The following XCR1 variants were observed in gnomAD, a reference collection of about 807,000 sequenced individuals.
XCR1 encodes the protein X-C motif chemokine receptor 1.
For missense variants in XCR1, 356 were observed against 424.2 expected (o/e 0.84, Z 1.41); for synonymous variants, 187 against 188.5 (o/e 0.99, Z 0.06).
chr3:46,035,648 G>A (rs1475873837), intron 5 of XCR1, among the ~76,000 whole-genome samples: 1 of 152,216 alleles, frequency 6.6e-6, no homozygotes, highest in Non-Finnish European at 1.5e-5. Context: ...GATTGCCTAT[G>A]AAGAACTGTC....
intron 3 of XCR1, among the ~76,000 whole-genome samples, chr3:46,067,090 T>G (rs1465794555): frequency 2.0e-5 from 3 of 152,186 alleles, no homozygotes; most frequent in Non-Finnish European, 2.9e-5. Context: ...TTTTCACAGC[T>G]GGGCATAGCA....
rs914805386 is a variant in XCR1, at chr3:46,061,192, T to C, written c.-183+5707A>G. ...CCAGTAAGAACAAAACACTGCCTCT[T>C]CCATGATGGAAACAGTCCCGTGTAG... On this transcript the variant is annotated intron_variant, in intron 4 of 5. Transcript: ENST00000683768. Among the ~76,000 whole-genome samples the C allele has an allele frequency of 7.9e-5, 12 of 152,182 alleles. No homozygotes were observed. In the East Asian group the frequency reaches 2.3e-3, roughly 29 times the overall value.
chr3:46,069,620 G>C (rs1698133165), intron 3 of XCR1, among the ~76,000 whole-genome samples: 1 of 152,056 alleles, frequency 6.6e-6, no homozygotes, highest in Admixed American at 6.5e-5. Flanking sequence ...TACATATTTT[G>C]TATGTTATAT....
rs1481726988 is a variant in XCR1 at position 46,021,485 on chromosome 3, C to T, written c.463G>A (p.Val155Ile). ...CRVLVTMAVW[V>I]ASILSSILDT... is the part of the protein sequence containing the mutation. ...AGGATGGAGGACAGGATGCTGGCTA[C>T]CCACACAGCCATGGTCACCAGCACC... Residue 155 changes from valine (V) to isoleucine (I), a missense_variant, in exon 2 of 2, where the codon GTA (valine) becomes ATA (isoleucine). By Grantham distance (29) the Val-to-Ile change is conservative. Coordinates refer to ENST00000309285, the MANE Select transcript of XCR1 (RefSeq NM_001024644.2). This position sits in a 1 kb window ranked among gnomAD's most constrained non-coding sequence, Gnocchi z 4.7. 3.7e-6 allele frequency: 6 copies of T among 1,613,558 alleles called. No individual in the cohort carries two copies. Among genetic ancestry groups the T allele is most frequent in the Middle Eastern group, 1.6e-4 (1 of 6,084 alleles).
At position 46,081,629 on chromosome 3, in the gene XCR1, C is replaced by T. The variant is rs545489925; in HGVS notation, c.-515+4165G>A. Among the ~76,000 whole-genome samples, 19 of 152,194 alleles carry T rather than the reference C, an allele frequency of 1.2e-4. No individual in the cohort carries two copies. The South Asian group carries it at 3.7e-3, about 30-fold the overall frequency. On this transcript the variant is annotated intron_variant, in intron 1 of 5. Coordinates refer to the XCR1 transcript ENST00000683768. ...GACCAGTGAAGTAGTTTTGGCATTG[C>T]AAGCATTTTTGCCCTTTGTGAATTT...
intron 5 of XCR1, among the ~76,000 whole-genome samples, chr3:46,037,531 T>C (rs962163390): frequency 1.3e-5 from 2 of 152,110 alleles, no homozygotes; most frequent in African/African-American, 4.8e-5. Flanking sequence ...TAGGACAAAA[T>C]AAGAAGTCCA....
chr3:46,047,792 C>G (rs1339476147), intron 5 of XCR1, among the ~76,000 whole-genome samples: 3 of 152,162 alleles, frequency 2.0e-5, no homozygotes, highest in Non-Finnish European at 2.9e-5. Context: ...AATGCCAGCA[C>G]AGTTTGTGCC....
At chr3:46,058,558 T>G (rs975655248) in intron 4 of XCR1, among the ~76,000 whole-genome samples, 2 of 123,662 alleles carry the variant, frequency 1.6e-5, no homozygotes, top group African/African-American at 1.4e-4. Flanking sequence ...TCTGATTTTA[T>G]TTTATTTTAG....
At chr3:46,069,627 A>G (rs1698133381) in intron 3 of XCR1, among the ~76,000 whole-genome samples, 1 of 152,228 alleles carries the variant, frequency 6.6e-6, no homozygotes, top group Admixed American at 6.5e-5. Flanking sequence ...TTTGTATGTT[A>G]TATGTATTAC....
At chr3:46,064,412 A>C (rs1019787524) in intron 4 of XCR1, among the ~76,000 whole-genome samples, 7 of 152,160 alleles carry the variant, frequency 4.6e-5, no homozygotes, top group African/African-American at 1.7e-4. Context: ...GAGCCTTGCA[A>C]GTTTTTCCTA....
chr3:46,043,870 A>T (rs2125898165), intron 5 of XCR1, among the ~76,000 whole-genome samples: 1 of 152,310 alleles, frequency 6.6e-6, no homozygotes, highest in Middle Eastern at 3.4e-3. Flanking sequence ...AAGAAGTAAA[A>T]TTATGTGTGT....
intron 4 of XCR1, among the ~76,000 whole-genome samples, chr3:46,057,784 C>A (rs2125900407): frequency 6.6e-6 from 1 of 152,302 alleles, no homozygotes; most frequent in Non-Finnish European, 1.5e-5. Flanking sequence ...GATGGCTGCC[C>A]TGCAGAGTTT....
intron 3 of XCR1, among the ~76,000 whole-genome samples, chr3:46,070,662 C>T (rs917013725): frequency 2.6e-5 from 4 of 151,774 alleles, no homozygotes; most frequent in Non-Finnish European, 5.9e-5. Flanking sequence ...TATGTGTCTA[C>T]CAAAAAGTTG....
chr3:46,056,987 A>T (rs1697865982), intron 4 of XCR1, among the ~76,000 whole-genome samples: 1 of 152,208 alleles, frequency 6.6e-6, no homozygotes, highest in Admixed American at 6.5e-5. Flanking sequence ...GGATAAATCA[A>T]CTGTGGAATA....
At chr3:46,054,728 A>C in intron 4 of XCR1, among the ~76,000 whole-genome samples, 1 of 152,146 alleles carries the variant, frequency 6.6e-6, no homozygotes. Context: ...CTCCCTGACC[A>C]ACTAAAACTA....
At chr3:46,076,918 G>T (rs549772293) in exon 2 of XCR1, among the ~76,000 whole-genome samples, 1 of 152,304 alleles carries the variant, frequency 6.6e-6, no homozygotes, top group African/African-American at 2.4e-5. Context: ...GCTGACCCCT[G>T]TGTGAGCACT....
intron 2 of XCR1, among the ~76,000 whole-genome samples, chr3:46,075,308 C>CAAAAAAAA (rs56787185): frequency 1.5e-3 from 92 of 61,614 alleles, no homozygotes; most frequent in Middle Eastern, 0.017. Context: ...GCTCATAGAC[C>CAAAAAAAA]AAAAAAAAAA....
intron 3 of XCR1, among the ~76,000 whole-genome samples, chr3:46,068,425 T>C (rs1698112429): frequency 6.6e-6 from 1 of 152,204 alleles, no homozygotes; most frequent in Admixed American, 6.5e-5. Flanking sequence ...TCCATTGTTA[T>C]GTTAAATGCA....
chr3:46,034,423 T>G (rs2125896293), intron 5 of XCR1, among the ~76,000 whole-genome samples: 1 of 151,936 alleles, frequency 6.6e-6, no homozygotes, highest in South Asian at 2.1e-4. Flanking sequence ...ATCTCTTCTT[T>G]CCCAATCTTT....
Sources: gnomAD v4.1 joint callset for allele counts (sites outside exome capture counted in the v4.1 genomes callset) on GRCh38, gnomAD v4.1.1 for gene constraint, Gnocchi (gnomAD v3.1) non-coding constraint, MANE v1.5 for transcripts, NCBI Gene and HGNC (gene_info 2026-07-23, HGNC 2026-07-21) for gene names.